TMEM178A: variants seen among roughly 807,000 people sequenced by gnomAD.
TMEM178A encodes transmembrane protein 178A, also known as transmembrane protein 178.
TMEM178A carries 12 observed loss-of-function variants against 29.1 expected under a neutral mutation model. The ratio of observed to expected loss-of-function variants is 0.41; its 90% CI spans 0.26 to 0.67. The LOEUF is 0.67. Among genes scored for constraint, TMEM178A ranks in the 30% least tolerant of loss-of-function variants. TMEM178A has a pLI of 0.29. For synonymous variants in TMEM178A, 210 were observed against 187.2 expected (o/e 1.12, Z -0.99); for missense variants, 366 against 419.1 (o/e 0.87, Z 1.11).
chr2:39,717,510 G>A lies in TMEM178A; in HGVS notation c.*259G>A. The A allele has an allele frequency of 2.8e-6, 1 of 354,048 alleles. No individual in the cohort carries two copies. Among genetic ancestry groups the A allele is most frequent in the East Asian group, 4.6e-5 (1 of 21,754 alleles). The allele number at this position is 354,048 out of a possible 1,614,324, so 21.9% of individuals were successfully genotyped here. A position where few individuals can be genotyped will look rare whatever the true frequency, so the allele number is the denominator to read the frequency against. The stretch of plus-strand genomic sequence containing the variant: ...GCCATGGGACATTTCTAGGTGTAGA[G>A]AAAGAAGAAACTGCAATGGAAAAAT... On this transcript the variant is annotated 3_prime_UTR_variant, in exon 4 of 4. Transcript: ENST00000281961.
At chr2:39,708,485 C>G (rs975534697) in intron 3 of TMEM178A, among the ~76,000 whole-genome samples, 6 of 126,792 alleles carry the variant, frequency 4.7e-5, no homozygotes, top group African/African-American at 1.8e-4. Context: ...GTGGCGCGAT[C>G]TCGACTCACT....
chr2:39,677,485 A>C (rs78332506), intron 1 of TMEM178A, among the ~76,000 whole-genome samples: 6,660 of 152,272 alleles, frequency 0.044, 436 homozygotes, highest in African/African-American at 0.14. Flanking sequence ...CGCGTGTTCA[A>C]AATTAGAAAT....
At chr2:39,726,990 C>T in the TMEM178A span, among the ~76,000 whole-genome samples, 1 of 152,198 alleles carries the variant, frequency 6.6e-6, no homozygotes, top group Admixed American at 6.5e-5. Context: ...AGATAAAAAG[C>T]TGAGCTCTTC....
the TMEM178A span, among the ~76,000 whole-genome samples, chr2:39,727,525 C>A: frequency 6.6e-6 from 1 of 152,192 alleles, no homozygotes; most frequent in East Asian, 1.9e-4. Flanking sequence ...GTGAGCATTT[C>A]TTCTCAAACC....
chr2:39,709,179 G>T (rs758145039), intron 3 of TMEM178A, among the ~76,000 whole-genome samples: 3 of 152,218 alleles, frequency 2.0e-5, no homozygotes, highest in Admixed American at 2.0e-4. Flanking sequence ...GACGGGTAGG[G>T]GGTACTTTGC....
intron 1 of TMEM178A, among the ~76,000 whole-genome samples, chr2:39,674,428 G>T (rs150013414): frequency 1.3e-5 from 2 of 152,172 alleles, no homozygotes; most frequent in Non-Finnish European, 2.9e-5. Flanking sequence ...AAAACCAAAC[G>T]TTGTATGTTC....
the TMEM178A span, among the ~76,000 whole-genome samples, chr2:39,725,635 G>A: frequency 1.3e-5 from 2 of 152,164 alleles, no homozygotes; most frequent in East Asian, 3.8e-4. Context: ...GGGTGTGGAG[G>A]AAATGCCAGT....
chr2:39,687,215 AT>A, intron 1 of TMEM178A: 1 of 166,628 alleles, frequency 6.0e-6, no homozygotes. Context: ...GGCTATTCAT[AT>A]TTTAGGGTCA....
chr2:39,717,150 T>C lies in TMEM178A; in HGVS notation c.793T>C (p.Leu265=). Residue 265 remains leucine (L), a synonymous_variant, in exon 4 of 4, where the codon TTA becomes CTA. Coordinates refer to ENST00000281961, the MANE Select transcript of TMEM178A (RefSeq NM_152390.3). Reference sequence around the variant, plus strand: ...GTCCATCTTTTGCGCCTGGTGCAGTTTAGGCTTTATTGTGGCAGCTGGAGG... The same window carrying C: ...GTCCATCTTTTGCGCCTGGTGCAGTCTAGGCTTTATTGTGGCAGCTGGAGG... The part of the protein sequence containing the change: ...SWSIFCAWCS[L]GFIVAAGGLC... 1 of 1,613,228 alleles carries C rather than the reference T, an allele frequency of 6.2e-7. No homozygotes were observed. Among genetic ancestry groups the C allele is most frequent in the Non-Finnish European group, 8.5e-7 (1 of 1,179,882 alleles).
At chr2:39,718,240 C>T (rs1672625808), downstream of TMEM178A, among the ~76,000 whole-genome samples, 1 of 151,976 alleles carries the variant, frequency 6.6e-6, no homozygotes, top group African/African-American at 2.4e-5. Context: ...CTTCCTCTTC[C>T]TCCCCTGTTT....
chr2:39,672,273 C>T (rs1166354355), intron 1 of TMEM178A, among the ~76,000 whole-genome samples: 2 of 152,106 alleles, frequency 1.3e-5, no homozygotes, highest in Non-Finnish European at 2.9e-5. Flanking sequence ...GTGGATGGTA[C>T]TTTAAGTAGT....
intron 1 of TMEM178A, among the ~76,000 whole-genome samples, chr2:39,683,678 T>G (rs746741727): frequency 5.9e-5 from 9 of 152,252 alleles, no homozygotes; most frequent in Admixed American, 1.3e-4. Context: ...GTATGCCACC[T>G]ATTTTGGCAC....
chr2:39,671,040 G>A (rs918223075), intron 1 of TMEM178A, among the ~76,000 whole-genome samples: 13 of 152,184 alleles, frequency 8.5e-5, no homozygotes, highest in Admixed American at 6.5e-4. Context: ...ATGCTGACCT[G>A]TATAAATCAA....
chr2:39,696,963 G>A (rs1364241491), intron 1 of TMEM178A, among the ~76,000 whole-genome samples: 1 of 152,084 alleles, frequency 6.6e-6, no homozygotes, highest in African/African-American at 2.4e-5. Flanking sequence ...GCCATCTGGT[G>A]CTATGAGCTC....
intron 1 of TMEM178A, among the ~76,000 whole-genome samples, chr2:39,685,019 C>G (rs145681183): frequency 1.2e-4 from 18 of 152,180 alleles, no homozygotes; most frequent in Non-Finnish European, 2.6e-4. Context: ...ATTACTGCCT[C>G]TAATCTGTTC....
At chr2:39,701,870 A>T (rs1476785182) in intron 1 of TMEM178A, among the ~76,000 whole-genome samples, 4 of 152,014 alleles carry the variant, frequency 2.6e-5, no homozygotes, top group Non-Finnish European at 5.9e-5. Context: ...CAACTCCAGA[A>T]TTTCTATTTT....
intron 1 of TMEM178A, among the ~76,000 whole-genome samples, chr2:39,702,103 A>G (rs916415743): frequency 3.3e-5 from 5 of 151,564 alleles, no homozygotes; most frequent in African/African-American, 1.2e-4. Context: ...AATGTCTCGT[A>G]CTTTTTTGGT....
At chr2:39,726,800 G>C in the TMEM178A span, among the ~76,000 whole-genome samples, 1 of 152,110 alleles carries the variant, frequency 6.6e-6, no homozygotes, top group Non-Finnish European at 1.5e-5. Flanking sequence ...AATGTGTAAG[G>C]GTTGGGGGTG....
chr2:39,703,317 G>A (rs1442298657), intron 1 of TMEM178A, among the ~76,000 whole-genome samples: 1 of 152,152 alleles, frequency 6.6e-6, no homozygotes, highest in Non-Finnish European at 1.5e-5. Context: ...GCCTCTAGGA[G>A]AAGAGAATAA....
Sources: gnomAD v4.1 joint callset for allele counts (sites outside exome capture counted in the v4.1 genomes callset) on GRCh38, gnomAD v4.1.1 for gene constraint, MANE v1.5 for transcripts, NCBI Gene and HGNC (gene_info 2026-07-23, HGNC 2026-07-21) for gene names.